The following WWC1 variants were observed in gnomAD, a reference collection of about 807,000 sequenced individuals.
The protein encoded by WWC1 is WW and C2 domain containing 1, also known as protein KIBRA.
In WWC1, 55 loss-of-function variants were observed where a neutral mutation model predicts 138.4. That is an observed-to-expected ratio of 0.40 (90% CI 0.32 to 0.50). WWC1 has a LOEUF of 0.50. WWC1 is among the 20% of genes least tolerant of loss of function. The probability of loss-of-function intolerance (pLI) is 0.72; values close to 1 mark genes in which losing one functional copy is unlikely to be tolerated. For synonymous variants in WWC1, 524 were observed against 564.9 expected, an observed-to-expected ratio of 0.93 and a Z score of 1.03; for missense variants, 1,226 against 1,420.4, an observed-to-expected ratio of 0.86 and a Z score of 2.20.
intron 17 of WWC1, 145 bp downstream of exon 17, chr5:168,444,730 A>G: frequency 2.5e-6 from 2 of 800,138 alleles, no homozygotes; most frequent in Non-Finnish European, 3.9e-6. Context: ...TCTACAGGCA[A>G]AAAGGCAATG....
intron 11 of WWC1, among the ~76,000 whole-genome samples, chr5:168,424,407 T>G (rs1781355611): frequency 6.6e-6 from 1 of 152,204 alleles, no homozygotes. Context: ...TCACTAAGGA[T>G]TCTGTGTTGA....
At chr5:168,445,061 G>T (rs1755121459) in intron 17 of WWC1, among the ~76,000 whole-genome samples, 2 of 151,588 alleles carry the variant, frequency 1.3e-5, no homozygotes, top group African/African-American at 4.8e-5. Flanking sequence ...CATGCCTGTA[G>T]TCCCAGCACT....
chr5:168,423,161 A>AAC (rs1781246043), intron 10 of WWC1, among the ~76,000 whole-genome samples: 1 of 140,108 alleles, frequency 7.1e-6, no homozygotes, highest in Non-Finnish European at 1.5e-5. Flanking sequence ...AAAAAAAAAA[A>AAC]AAAAAAAAAA....
intron 17 of WWC1, 130 bp from the exon 18 acceptor site, chr5:168,453,838 C>G: frequency 6.8e-7 from 1 of 1,480,952 alleles, no homozygotes; most frequent in Non-Finnish European, 8.9e-7. Context: ...GAGCCTGGCC[C>G]CCCAAAACTT....
At chr5:168,295,369 C>T (rs1769443938) in intron 1 of WWC1, among the ~76,000 whole-genome samples, 1 of 151,952 alleles carries the variant, frequency 6.6e-6, no homozygotes, top group Non-Finnish European at 1.5e-5. Flanking sequence ...CTGAAAAGAG[C>T]CAAACTTATT....
chr5:168,434,488 G>T (rs1782196282), intron 15 of WWC1, among the ~76,000 whole-genome samples: 1 of 152,192 alleles, frequency 6.6e-6, no homozygotes, highest in Non-Finnish European at 1.5e-5. Context: ...CTACCAGTGG[G>T]CTAAGAACTT....
chr5:168,369,759 G>C (rs1225103567), intron 1 of WWC1, among the ~76,000 whole-genome samples: 1 of 152,128 alleles, frequency 6.6e-6, no homozygotes, highest in Non-Finnish European at 1.5e-5. Context: ...CTATCCAGCT[G>C]GGGCTCTTTC....
rs1769095630 is a variant in WWC1 at position 168,292,126 on chromosome 5, G to C, written c.-27G>C. On this transcript the variant is annotated 5_prime_UTR_variant, in exon 1 of 23. An upstream start codon of the reference 5' UTR is lost. Transcript: ENST00000265293. This position sits in a 1 kb window ranked among gnomAD's most constrained non-coding sequence, Gnocchi z 4.4. ...CCCCCGCTGCGGCCGGGAGCTGCAT[G>C]GGGGAGCGCCGGCAGCGCTTGGGAA... The C allele has an allele frequency of 1.3e-6, 2 of 1,529,084 alleles. No homozygotes were observed. Among genetic ancestry groups the C allele is most frequent in the Non-Finnish European group, 1.8e-6 (2 of 1,137,948 alleles). 94.7% of individuals were successfully genotyped at this position (1,529,084 alleles called of 1,614,324 possible). A position where few individuals can be genotyped will look rare whatever the true frequency, so the allele number is the denominator to read the frequency against.
intron 1 of WWC1, among the ~76,000 whole-genome samples, chr5:168,343,816 CAAAAA>C (rs35208487): frequency 7.4e-6 from 1 of 135,590 alleles, no homozygotes; most frequent in Non-Finnish European, 1.6e-5. Context: ...GACTATGTCT[CAAAAA>C]AAAAAAAAAA....
At chr5:168,353,631 G>A (rs1286684239) in intron 1 of WWC1, among the ~76,000 whole-genome samples, 1 of 152,218 alleles carries the variant, frequency 6.6e-6, no homozygotes, top group African/African-American at 2.4e-5. Flanking sequence ...ATGATCTAGA[G>A]GGCTGTTCCT....
chr5:168,406,493 A>G (rs1582184179), intron 6 of WWC1, among the ~76,000 whole-genome samples, 166 bp downstream of exon 6: 1 of 152,332 alleles, frequency 6.6e-6, no homozygotes, highest in East Asian at 1.9e-4. Context: ...GTGGAGGCTC[A>G]GAAGCATTAA....
chr5:168,455,737 GTTA>G (rs1676570644), intron 19 of WWC1, among the ~76,000 whole-genome samples: 1 of 152,190 alleles, frequency 6.6e-6, no homozygotes. Context: ...CTTGGTCAAT[GTTA>G]TTATCATTCC....
intron 1 of WWC1, among the ~76,000 whole-genome samples, chr5:168,347,146 C>T (rs1051916653): frequency 4.6e-5 from 7 of 152,174 alleles, no homozygotes; most frequent in African/African-American, 1.4e-4. Flanking sequence ...TGTCCCCAGC[C>T]GACTGAGTGA....
At chr5:168,408,120 G>A (rs576323228) in intron 6 of WWC1, among the ~76,000 whole-genome samples, 29 of 150,194 alleles carry the variant, frequency 1.9e-4, no homozygotes, top group African/African-American at 5.9e-4. Context: ...CTCCCAGCTC[G>A]GCCTCTCAAA....
chr5:168,443,157 C>T (rs1314353220), intron 16 of WWC1, among the ~76,000 whole-genome samples: 6 of 152,186 alleles, frequency 3.9e-5, no homozygotes, highest in Admixed American at 3.3e-4. Flanking sequence ...AACGGTTGTT[C>T]CCTCTGTCGA....
intron 21 of WWC1, among the ~76,000 whole-genome samples, chr5:168,465,882 A>C (rs949320503): frequency 2.0e-5 from 3 of 152,212 alleles, no homozygotes; most frequent in African/African-American, 7.2e-5. Flanking sequence ...ACAGGTTTGC[A>C]TGCAGGGGAA....
chr5:168,329,047 C>G (rs1046921500), intron 1 of WWC1, among the ~76,000 whole-genome samples: 1 of 152,222 alleles, frequency 6.6e-6, no homozygotes, highest in Non-Finnish European at 1.5e-5. Flanking sequence ...TGTCGTTGCT[C>G]TTTCTGTCCT....
At chr5:168,398,041 C>G (rs1299322415) in intron 4 of WWC1, among the ~76,000 whole-genome samples, 3 of 152,020 alleles carry the variant, frequency 2.0e-5, no homozygotes, top group Non-Finnish European at 2.9e-5. Context: ...TGTGTATTAT[C>G]TCGTGTCTAT....
chr5:168,449,058 A>G (rs1032867605), intron 17 of WWC1, among the ~76,000 whole-genome samples: 3 of 152,362 alleles, frequency 2.0e-5, no homozygotes, highest in South Asian at 2.1e-4. Flanking sequence ...AGATAAGGCT[A>G]AATGGCCTTC....
Sources: allele counts gnomAD v4.1 joint callset (sites outside exome capture counted in the v4.1 genomes callset), GRCh38; gene constraint gnomAD v4.1.1; non-coding constraint Gnocchi (gnomAD v3.1); transcripts MANE v1.5; gene names NCBI Gene and HGNC (gene_info 2026-07-23, HGNC 2026-07-21).